Variants in CGNL1 observed in about 807,000 individuals in gnomAD.
The protein encoded by CGNL1 is cingulin like 1.
In CGNL1, 132 loss-of-function variants were observed where a neutral mutation model predicts 141.2. The ratio of observed to expected loss-of-function variants is 0.93; its 90% CI spans 0.81 to 1.08. The LOEUF (loss-of-function observed/expected upper bound fraction) is 1.08. Ranked by LOEUF, CGNL1 falls within the 50% of genes least tolerant of loss-of-function variation. The pLI is 0.00. For missense variants in CGNL1, 1,870 were observed against 1,588.6 expected, an observed-to-expected ratio of 1.18 and a Z score of -3.01; for synonymous variants, 690 against 622.1, an observed-to-expected ratio of 1.11 and a Z score of -1.63.
At chr15:57,442,697 C>T (rs1403690035) in intron 4 of CGNL1, among the ~76,000 whole-genome samples, 1 of 152,166 alleles carries the variant, frequency 6.6e-6, no homozygotes, top group Non-Finnish European at 1.5e-5. Context: ...TGGCTCACTG[C>T]AACCTCTGCC....
In CGNL1 at chr15:57,461,893, G is replaced by C; in HGVS notation, c.2403+1G>C. 1 of 1,612,508 alleles carries C rather than the reference G, an allele frequency of 6.2e-7. No individual in the cohort carries two copies. The highest frequency in any genetic ancestry group is 8.5e-7 in the Non-Finnish European group (1 of 1,178,828). ...GGAGAGTGTGGAAGAAGCAACCAAG[G>C]TGAGGGATGGGGCAGGAGAATCTGG... On this transcript the variant is annotated splice_donor_variant, in intron 8 of 18. Coordinates refer to ENST00000281282, the MANE Select transcript of CGNL1 (RefSeq NM_032866.5). LOFTEE classifies it high-confidence loss of function.
At chr15:57,487,870 G>A (rs1460446899) in intron 8 of CGNL1, among the ~76,000 whole-genome samples, 1 of 152,170 alleles carries the variant, frequency 6.6e-6, no homozygotes, top group Non-Finnish European at 1.5e-5. Context: ...TATAGTTTTC[G>A]AGTATACAGA....
At chr15:57,429,136 T>C (rs953937756) in intron 1 of CGNL1, among the ~76,000 whole-genome samples, 1 of 152,190 alleles carries the variant, frequency 6.6e-6, no homozygotes. Context: ...CGTGGTCTAA[T>C]GGTATTAATG....
intron 1 of CGNL1, among the ~76,000 whole-genome samples, chr15:57,380,229 TCA>T (rs2062409850): frequency 6.6e-6 from 1 of 152,274 alleles, no homozygotes; most frequent in East Asian, 1.9e-4. Flanking sequence ...AGATGGGGTT[TCA>T]CCATGTTGGC....
chr15:57,376,766 C>G (rs2062367618), intron 1 of CGNL1, among the ~76,000 whole-genome samples, 199 bp downstream of exon 1: 1 of 150,832 alleles, frequency 6.6e-6, no homozygotes, highest in Admixed American at 6.6e-5. Flanking sequence ...ACTCCCGCGC[C>G]GCGCCCCGCC....
intron 3 of CGNL1, among the ~76,000 whole-genome samples, chr15:57,440,675 G>A (rs1191733136): frequency 6.6e-6 from 1 of 152,034 alleles, no homozygotes; most frequent in Non-Finnish European, 1.5e-5. Flanking sequence ...GTGTAGGAAA[G>A]GACACCATAC....
At chr15:57,487,145 A>G (rs2063796058) in intron 8 of CGNL1, among the ~76,000 whole-genome samples, 1 of 152,124 alleles carries the variant, frequency 6.6e-6, no homozygotes, top group Non-Finnish European at 1.5e-5. Flanking sequence ...AGGAGTAGAC[A>G]GTTTATTGTA....
intron 14 of CGNL1, among the ~76,000 whole-genome samples, chr15:57,540,950 C>T (rs1323511344): frequency 6.6e-6 from 1 of 152,212 alleles, no homozygotes; most frequent in African/African-American, 2.4e-5. Context: ...GGGGAAACTC[C>T]TAATGGTTGA....
chr15:57,380,032 G>A (rs769931727), intron 1 of CGNL1, among the ~76,000 whole-genome samples: 3 of 151,992 alleles, frequency 2.0e-5, no homozygotes, highest in Non-Finnish European at 2.9e-5. Context: ...TTCACACTAA[G>A]GTGTCTTTTT....
intron 12 of CGNL1, among the ~76,000 whole-genome samples, chr15:57,526,679 GT>G (rs2031635693): frequency 6.6e-6 from 1 of 152,068 alleles, no homozygotes; most frequent in African/African-American, 2.4e-5. Context: ...CTACTTAAAG[GT>G]AGCACTAGGA....
At chr15:57,442,539 C>A in intron 4 of CGNL1, 61 bp downstream of exon 4, 1 of 1,034,142 alleles carries the variant, frequency 9.7e-7, no homozygotes, top group Admixed American at 1.8e-5. Flanking sequence ...AAACAACTTG[C>A]TGTTTCTTCA....
At position 57,438,741 on chromosome 15, in the gene CGNL1, G is replaced by A. The variant is rs138020988; in HGVS notation, c.742G>A (p.Glu248Lys). ...QSCTKERVGEEALFTSGRPLT... is the reference protein window; with the variant it reads ...QSCTKERVGEKALFTSGRPLT... ...CTGCACCAAGGAGAGGGTGGGAGAG[G>A]AGGCCCTTTTCACTAGCGGGAGGCC... The change falls in exon 2 of 19, where the codon GAG becomes AAG. Residue 248 changes from glutamate (E) to lysine (K), a missense_variant. By Grantham distance (56) the Glu-to-Lys change is moderately conservative (BLOSUM62 1). Transcript: ENST00000281282. 1.4e-4 allele frequency: 228 copies of A among 1,614,136 alleles called. No individual in the cohort carries two copies. Among genetic ancestry groups the A allele is most frequent in the Non-Finnish European group, 1.8e-4 (213 of 1,180,034 alleles).
At chr15:57,409,986 G>C (rs190309309) in intron 1 of CGNL1, among the ~76,000 whole-genome samples, 2 of 152,298 alleles carry the variant, frequency 1.3e-5, no homozygotes, top group East Asian at 3.9e-4. Context: ...CGATCCTTCT[G>C]TTCTGGAAGA....
At position 57,450,571 on chromosome 15, in the gene CGNL1, C is replaced by T. The variant is rs115051692; in HGVS notation, c.1804-929C>T. On this transcript the variant is annotated intron_variant, in intron 4 of 18. Transcript: ENST00000281282. The stretch of plus-strand genomic sequence containing the variant: ...GGATTACTGCATGAGCCGCCCCACC[C>T]AGCCTCATTGTTGTTTTAATTTGCA... 4.9e-3 allele frequency among the ~76,000 whole-genome samples: 749 copies of T among 152,300 alleles called. 2 individuals are homozygous for T. The highest frequency in any genetic ancestry group is 0.017 in the African/African-American group (706 of 41,576).
In CGNL1 at chr15:57,543,704, G is replaced by A. The variant is rs1407825292; in HGVS notation, c.3300G>A (p.Gln1100=). The A allele has an allele frequency of 6.2e-7, 1 of 1,613,670 alleles. No individual in the cohort carries two copies. The highest frequency in any genetic ancestry group is 1.7e-5 in the Admixed American group (1 of 60,006). The change falls in exon 15 of 19, where the codon CAG becomes CAA. Residue 1100 remains glutamine, a synonymous_variant. Coordinates refer to ENST00000281282, the MANE Select transcript of CGNL1 (RefSeq NM_032866.5). ...RISRSREQME[Q]LRNELLQERA... ...TGTTCTGCTTGCTGTAGATGGAGCA[G>A]TTGAGGAATGAGCTACTTCAGGAGA... is the stretch of plus-strand genomic sequence containing the variant.
intron 1 of CGNL1, among the ~76,000 whole-genome samples, chr15:57,426,970 G>A (rs916299985): frequency 8.5e-5 from 13 of 152,154 alleles, no homozygotes; most frequent in African/African-American, 2.9e-4. Flanking sequence ...GAGAGAGGGA[G>A]CTAAGGGCCA....
chr15:57,433,788 C>T (rs1321694934), intron 1 of CGNL1, among the ~76,000 whole-genome samples: 1 of 152,176 alleles, frequency 6.6e-6, no homozygotes, highest in African/African-American at 2.4e-5. Context: ...CTTGGTCACT[C>T]TTCTGCTCTG....
At chr15:57,392,920 T>A (rs2062559238) in intron 1 of CGNL1, among the ~76,000 whole-genome samples, 1 of 152,208 alleles carries the variant, frequency 6.6e-6, no homozygotes, top group African/African-American at 2.4e-5. Context: ...AGATAACAGT[T>A]GTGAGATAGG....
intron 1 of CGNL1, among the ~76,000 whole-genome samples, chr15:57,410,599 G>T (rs549124217): frequency 1.3e-5 from 2 of 152,320 alleles, no homozygotes; most frequent in African/African-American, 4.8e-5. Context: ...GTGTACGTGT[G>T]TGTAGCAGGG....
Sources: gnomAD v4.1 joint callset for allele counts (sites outside exome capture counted in the v4.1 genomes callset) on GRCh38, gnomAD v4.1.1 for gene constraint, MANE v1.5 for transcripts, NCBI Gene and HGNC (gene_info 2026-07-23, HGNC 2026-07-21) for gene names.